The following SPATA18 variants were observed in gnomAD, a reference collection of about 807,000 sequenced individuals.
The protein encoded by SPATA18 is spermatogenesis associated 18, also known as mitochondria-eating protein.
Under a neutral mutation model 68.1 loss-of-function variants are expected in SPATA18, and 54 were observed. The ratio of observed to expected loss-of-function variants is 0.79; its 90% CI spans 0.64 to 0.99. The LOEUF is 0.99. Ranked by LOEUF, SPATA18 falls within the 50% of genes least tolerant of loss-of-function variation. The pLI is 0.00. For synonymous variants in SPATA18, 242 were observed against 244.8 expected (o/e 0.99, Z 0.11); for missense variants, 724 against 681.1 (o/e 1.06, Z -0.70).
Position 52,094,901 on chromosome 4 carries a change from G to C in SPATA18, c.*14G>C, listed in dbSNP as rs376396702. 1.2e-6 allele frequency: 2 copies of C among 1,614,022 alleles called. No homozygotes were observed. The highest frequency in any genetic ancestry group is 1.7e-6 in the Non-Finnish European group (2 of 1,179,946). ...CTAGGATTTTAAAAGCACCAGACCT[G>C]CTCCTTTGACCCAGTGCGTGGAAAC... On this transcript the variant is annotated 3_prime_UTR_variant, in exon 13 of 13. Transcript: ENST00000295213.
rs139000378 is a variant in SPATA18, at chr4:52,071,948, C to G, written c.550C>G (p.Arg184Gly). 1.2e-4 allele frequency: 189 copies of G among 1,613,702 alleles called. No individual in the cohort carries two copies. Among genetic ancestry groups the G allele is most frequent in the Non-Finnish European group, 1.6e-4 (183 of 1,180,008 alleles). The change falls in exon 6 of 13, where the codon CGC (arginine) becomes GGC (glycine). Residue 184 changes from arginine to glycine, a missense_variant. Arg to Gly is a moderately radical substitution (Grantham distance 125, BLOSUM62 -2). Transcript: ENST00000295213. ...LKSLQAQEDA[R>G]HRNTDQRSSE... ...ATCTCTTCAAGCTCAGGAGGATGCC[C>G]GCCACAGAAACACAGATCAGAGGAG...
intron 12 of SPATA18, 149 bp from the exon 13 acceptor site, chr4:52,094,731 G>A: frequency 6.3e-6 from 8 of 1,270,942 alleles, no homozygotes; most frequent in Non-Finnish European, 9.1e-6. Flanking sequence ...ATGGTACCCA[G>A]GCAGGTCCCA....
rs765886482 is a variant in SPATA18 at position 52,076,792 on chromosome 4, C to T, written c.772C>T (p.Arg258Trp). The T allele has an allele frequency of 1.2e-6, 2 of 1,613,368 alleles. No homozygotes were observed. Among genetic ancestry groups the T allele is most frequent in the Non-Finnish European group, 1.7e-6 (2 of 1,179,586 alleles). Residue 258 changes from arginine (R) to tryptophan (W), a missense_variant, in exon 7 of 13, where the codon CGG becomes TGG. By Grantham distance (101) the Arg-to-Trp change is moderately radical. Transcript: ENST00000295213. ...GCTCACCAACAGGTCCTCCAGGAGC[C>T]GGTCTCCCAGCCCTGCCCCTCGCAG... ...SALQGRSSRS[R>W]SPSPAPRSRS...
chr4:52,069,721 C>T, intron 4 of SPATA18, 100 bp from the exon 5 acceptor site: 1 of 660,024 alleles, frequency 1.5e-6, no homozygotes, highest in Non-Finnish European at 2.3e-6. Flanking sequence ...TTATGTTGAA[C>T]TATGTCATAT....
chr4:52,069,735 A>G (rs1254081991), intron 4 of SPATA18, 86 bp from the exon 5 acceptor site: 1 of 879,976 alleles, frequency 1.1e-6, no homozygotes, highest in Admixed American at 2.8e-5. Context: ...GTCATATACC[A>G]GAAGTTCCTA....
chr4:52,080,024 CAGACACTACCT>C (rs1223824105), intron 9 of SPATA18, 105 bp downstream of exon 9: 1 of 1,228,378 alleles, frequency 8.1e-7, no homozygotes, highest in Non-Finnish European at 1.1e-6. Context: ...GAGAAATTAA[CAGACACTACCT>C]GATTTTCAGG....
rs1036642905 is a variant in SPATA18, at chr4:52,051,509, C to A, written c.-196C>A. 2.0e-4 allele frequency: 118 copies of A among 596,450 alleles called. No homozygotes were observed. The highest frequency in any genetic ancestry group is 5.0e-5 in the Non-Finnish European group (17 of 337,408). 36.9% of individuals were successfully genotyped at this position (596,450 alleles called of 1,614,324 possible). A position where few individuals can be genotyped will look rare whatever the true frequency, so the allele number is the denominator to read the frequency against. On this transcript the variant is annotated 5_prime_UTR_variant, in exon 1 of 13. Coordinates refer to ENST00000295213, the MANE Select transcript of SPATA18 (RefSeq NM_145263.4). ...GCGGATGAGGCGCGGCGGCTGCGGC[C>A]CAGGGCACCTCCCCTCTGGCTTCCC...
chr4:52,056,017 A>G (rs1233485924), intron 1 of SPATA18, among the ~76,000 whole-genome samples: 1 of 151,850 alleles, frequency 6.6e-6, no homozygotes, highest in Non-Finnish European at 1.5e-5. Context: ...CGGCCTCCTT[A>G]TTCTTCTTCA....
At chr4:52,073,371 C>T (rs1429426724) in intron 6 of SPATA18, among the ~76,000 whole-genome samples, 1 of 152,160 alleles carries the variant, frequency 6.6e-6, no homozygotes, top group African/African-American at 2.4e-5. Context: ...TGATAATTTA[C>T]TTCGTACTTG....
chr4:52,093,104 A>G (rs753295296), intron 11 of SPATA18, among the ~76,000 whole-genome samples: 3 of 152,194 alleles, frequency 2.0e-5, no homozygotes, highest in Non-Finnish European at 4.4e-5. Context: ...GGTTTTACCA[A>G]TATAACAAAC....
chr4:52,087,333 T>C lies in SPATA18; in HGVS notation c.1563+2334T>C, dbSNP rs150675751. Among the ~76,000 whole-genome samples, 689 of 152,332 alleles carry C rather than the reference T, an allele frequency of 4.5e-3. 4 individuals carry two copies. Among genetic ancestry groups the C allele is most frequent in the South Asian group, 0.013 (63 of 4,824 alleles). On this transcript the variant is annotated intron_variant, in intron 11 of 12. Coordinates refer to ENST00000295213, the MANE Select transcript of SPATA18 (RefSeq NM_145263.4). ...TGCTTTTGGTGTTTTAGGCGTGAAG[T>C]CTTTGCCCATGCCTATGTCCTGAAT...
chr4:52,072,088 G>C lies in SPATA18; in HGVS notation c.690G>C (p.Lys230Asn). The change falls in exon 6 of 13, where the codon AAG (lysine) becomes AAC (asparagine). Residue 230 changes from lysine (K) to asparagine (N), a missense_variant. By Grantham distance (94) the Lys-to-Asn change is moderately conservative (BLOSUM62 0). Transcript: ENST00000295213. ...QQDTEAMSDY[K>N]KQLRNLKEEI... ...ACACAGAAGCCATGTCCGATTATAA[G>C]AAACAGCTCCGAAACCTGAAGGAGG... 6.2e-7 allele frequency: 1 copy of C among 1,614,052 alleles called. No homozygotes were observed. The highest frequency in any genetic ancestry group is 1.1e-5 in the South Asian group (1 of 91,074).
chr4:52,051,387 A>C lies in SPATA18; in HGVS notation c.-318A>C. On this transcript the variant is annotated 5_prime_UTR_variant, in exon 1 of 13. Transcript: ENST00000295213. Reference sequence around the variant, plus strand: ...GACGCGGGCCGCGCGCGTCCCTGGCAGCCAACCCGTCCACGTCAAGGTTTG... The same window carrying C: ...GACGCGGGCCGCGCGCGTCCCTGGCCGCCAACCCGTCCACGTCAAGGTTTG... The C allele has an allele frequency of 3.9e-6, 1 of 258,008 alleles. No individual in the cohort carries two copies. 16.0% of individuals were successfully genotyped at this position (258,008 alleles called of 1,614,324 possible).
At chr4:52,085,035 A>T in intron 11 of SPATA18, 36 bp downstream of exon 11, 2 of 1,494,948 alleles carry the variant, frequency 1.3e-6, no homozygotes, top group East Asian at 2.4e-5. Context: ...CACAAAATTC[A>T]TCTATGGTTG....
rs953691633 is a variant in SPATA18, at chr4:52,051,362, G to C, written c.-343G>C. ...GGCGGGGCGGCGCGGGCGTTGCCAC[G>C]ACGCGGGCCGCGCGCGTCCCTGGCA... On this transcript the variant is annotated 5_prime_UTR_variant, in exon 1 of 13. Coordinates refer to ENST00000295213, the MANE Select transcript of SPATA18 (RefSeq NM_145263.4). 22 of 219,120 alleles carry C rather than the reference G, an allele frequency of 1.0e-4. No homozygotes were observed. The highest frequency in any genetic ancestry group is 5.1e-4 in the African/African-American group (22 of 43,306). The allele number at this position is 219,120 out of a possible 1,614,324, so 13.6% of individuals were successfully genotyped here.
chr4:52,077,813 G>A (rs1216041219), intron 7 of SPATA18, among the ~76,000 whole-genome samples: 4 of 152,110 alleles, frequency 2.6e-5, no homozygotes, highest in Admixed American at 6.5e-5. Flanking sequence ...TTTTAAAAGT[G>A]CACATATGTA....
chr4:52,086,436 C>T (rs1455945250), intron 11 of SPATA18, among the ~76,000 whole-genome samples: 2 of 152,088 alleles, frequency 1.3e-5, no homozygotes, highest in African/African-American at 4.8e-5. Flanking sequence ...CCCTGACAGG[C>T]CCCAGTGTGT....
rs1742247035 is a variant in SPATA18 at position 52,094,377 on chromosome 4, A to T, written c.1564-150A>T. The T allele has an allele frequency of 2.4e-5, 16 of 654,186 alleles. No homozygotes were observed. In the East Asian group the frequency reaches 4.5e-4, roughly 18 times the overall value. The allele number at this position is 654,186 out of a possible 1,614,324, so 40.5% of individuals were successfully genotyped here. ...ACTTCAGAAGTCTAAAAAGAATCACAATAGTCAACCTTAGGGTGAAAAATC... is the reference window on the plus strand; with the variant it reads ...ACTTCAGAAGTCTAAAAAGAATCACTATAGTCAACCTTAGGGTGAAAAATC... On this transcript the variant is annotated intron_variant, in intron 11 of 12. Coordinates refer to ENST00000295213, the MANE Select transcript of SPATA18 (RefSeq NM_145263.4).
chr4:52,078,013 A>G (rs1051988750), intron 7 of SPATA18, among the ~76,000 whole-genome samples: 5 of 152,072 alleles, frequency 3.3e-5, no homozygotes, highest in Admixed American at 6.6e-5. Context: ...ACCATGATCT[A>G]TGGACCTTAT....
Sources: gnomAD v4.1 joint callset for allele counts (sites outside exome capture counted in the v4.1 genomes callset) on GRCh38, gnomAD v4.1.1 for gene constraint, MANE v1.5 for transcripts, NCBI Gene and HGNC (gene_info 2026-07-23, HGNC 2026-07-21) for gene names.